The following RGS6 variants were observed in gnomAD, a reference collection of about 807,000 sequenced individuals.
RGS6 encodes regulator of G-protein signaling 6.
Under a neutral mutation model 78.5 loss-of-function variants are expected in RGS6, and 30 were observed. That is an observed-to-expected ratio of 0.38 (90% CI 0.29 to 0.52). The LOEUF (loss-of-function observed/expected upper bound fraction) is 0.52. Among genes scored for constraint, RGS6 ranks in the 20% least tolerant of loss-of-function variants. The probability of loss-of-function intolerance (pLI) is 0.85; values close to 1 mark genes in which losing one functional copy is unlikely to be tolerated. For synonymous variants in RGS6, 206 were observed against 206.0 expected, an observed-to-expected ratio of 1.00 and a Z score of 0.00; for missense variants, 495 against 609.7, an observed-to-expected ratio of 0.81 and a Z score of 1.98.
chr14:72,183,440 A>G (rs2097199925), intron 2 of RGS6, among the ~76,000 whole-genome samples: 1 of 152,218 alleles, frequency 6.6e-6, no homozygotes, highest in Non-Finnish European at 1.5e-5. Context: ...TTGTAGGTCT[A>G]TAAATTATCA....
At position 72,402,822 on chromosome 14, in the gene RGS6, A is replaced by G. The variant is rs1280020819; in HGVS notation, c.184+50628A>G. On this transcript the variant is annotated intron_variant, in intron 3 of 17. Transcript: ENST00000553525. ...TTTTTTTTTTTTTTTTTTGAGAAGG[A>G]GTCTTGCTCTGTTGCCTAGTCTAGA... 2.3e-3 allele frequency among the ~76,000 whole-genome samples: 225 copies of G among 95,864 alleles called. 2 individuals carry two copies. The highest frequency in any genetic ancestry group is 9.4e-3 in the African/African-American group (216 of 23,092). The allele number at this position is 95,864 out of a possible 152,430, so 62.9% of individuals were successfully genotyped here.
intron 2 of RGS6, among the ~76,000 whole-genome samples, chr14:72,334,963 C>A (rs1003662350): frequency 3.3e-5 from 5 of 152,102 alleles, no homozygotes; most frequent in African/African-American, 1.2e-4. Flanking sequence ...TGAATTGTAC[C>A]TCCTATAATT....
chr14:72,325,128 G>A (rs1808000716), intron 2 of RGS6, among the ~76,000 whole-genome samples: 1 of 152,168 alleles, frequency 6.6e-6, no homozygotes, highest in African/African-American at 2.4e-5. Context: ...ATTTTTTCAT[G>A]TGTGTTGGCT....
intron 2 of RGS6, among the ~76,000 whole-genome samples, chr14:71,979,784 G>C (rs2094349609): frequency 6.6e-6 from 1 of 152,048 alleles, no homozygotes; most frequent in Admixed American, 6.6e-5. Context: ...GGTCTGCTTG[G>C]TGCAGAGCTG....
chr14:72,584,528 G>T, the RGS6 span, among the ~76,000 whole-genome samples: 2 of 152,174 alleles, frequency 1.3e-5, no homozygotes, highest in African/African-American at 4.8e-5. Context: ...GACAAGGAGG[G>T]ACCAGATAAC....
the RGS6 span, among the ~76,000 whole-genome samples, chr14:71,918,136 G>C: frequency 7.5e-6 from 1 of 132,880 alleles, no homozygotes; most frequent in Non-Finnish European, 1.5e-5. Context: ...AGCCGAGATC[G>C]TGCCACTGCA....
intron 13 of RGS6, among the ~76,000 whole-genome samples, chr14:72,496,809 C>G (rs1002400640): frequency 2.0e-5 from 3 of 152,048 alleles, no homozygotes; most frequent in Non-Finnish European, 4.4e-5. Context: ...AACATTCTAT[C>G]CTTTTGTATA....
At chr14:72,330,201 A>T (rs1478919771) in intron 2 of RGS6, among the ~76,000 whole-genome samples, 1 of 152,216 alleles carries the variant, frequency 6.6e-6, no homozygotes, top group Non-Finnish European at 1.5e-5. Flanking sequence ...CCCATTTGTC[A>T]GTCTTTGTCC....
At chr14:72,383,213 T>TATACACACAC (rs1387301746) in intron 3 of RGS6, among the ~76,000 whole-genome samples, 1 of 118,338 alleles carries the variant, frequency 8.5e-6, no homozygotes, top group African/African-American at 3.1e-5. Flanking sequence ...TATATATATA[T>TATACACACAC]ACACACAAAC....
At chr14:72,287,953 A>G (rs1444779919) in intron 2 of RGS6, among the ~76,000 whole-genome samples, 4 of 152,214 alleles carry the variant, frequency 2.6e-5, no homozygotes, top group Non-Finnish European at 5.9e-5. Flanking sequence ...CCACTTGGTC[A>G]TGGTGTATGG....
At chr14:71,974,079 T>C (rs2093977230) in intron 2 of RGS6, among the ~76,000 whole-genome samples, 1 of 152,182 alleles carries the variant, frequency 6.6e-6, no homozygotes, top group Admixed American at 6.5e-5. Context: ...TCAAGGAGTC[T>C]AAGATTTTTC....
chr14:72,047,573 G>A (rs181533853), intron 2 of RGS6, among the ~76,000 whole-genome samples: 1 of 152,294 alleles, frequency 6.6e-6, no homozygotes, highest in Admixed American at 6.5e-5. Context: ...TGATGACTGC[G>A]AACACAGGCT....
intron 2 of RGS6, among the ~76,000 whole-genome samples, chr14:72,155,216 T>G (rs1371852887): frequency 2.0e-5 from 3 of 152,222 alleles, no homozygotes; most frequent in African/African-American, 7.2e-5. Flanking sequence ...TTAGCTCAGG[T>G]CTTGCAGCCA....
intron 12 of RGS6, among the ~76,000 whole-genome samples, chr14:72,494,150 A>G (rs2096613794): frequency 6.6e-6 from 1 of 152,368 alleles, no homozygotes; most frequent in African/African-American, 2.4e-5. Context: ...TGTTTAAGGT[A>G]TAAAAAAATG....
chr14:71,954,244 A>G (rs2092613597), intron 1 of RGS6, among the ~76,000 whole-genome samples: 1 of 150,144 alleles, frequency 6.7e-6, no homozygotes. Flanking sequence ...CTCCGTCATT[A>G]TTCCTTCTAA....
the RGS6 span, among the ~76,000 whole-genome samples, chr14:71,890,017 C>T: frequency 6.6e-6 from 1 of 152,264 alleles, no homozygotes; most frequent in East Asian, 1.9e-4. Flanking sequence ...CCTACTTTGC[C>T]TTCTGCCATG....
intron 4 of RGS6, among the ~76,000 whole-genome samples, chr14:72,457,634 G>A (rs578121267): frequency 2.9e-4 from 43 of 148,076 alleles, no homozygotes; most frequent in African/African-American, 1.0e-3. Context: ...CCAAAGGAAC[G>A]AAGGAACAGA....
intron 1 of RGS6, among the ~76,000 whole-genome samples, chr14:71,958,932 G>A (rs904521529): frequency 2.6e-5 from 4 of 152,132 alleles, no homozygotes; most frequent in African/African-American, 9.7e-5. Context: ...TCCGGTCCTT[G>A]GGCAAGTTTT....
chr14:72,540,225 C>G (rs763192514), intron 17 of RGS6, 131 bp downstream of exon 17: 1 of 1,523,234 alleles, frequency 6.6e-7, no homozygotes, highest in Non-Finnish European at 8.8e-7. Context: ...CTTTCTCCCT[C>G]GACTCAGCCC....
Sources: gnomAD v4.1 joint callset for allele counts (sites outside exome capture counted in the v4.1 genomes callset) on GRCh38, gnomAD v4.1.1 for gene constraint, MANE v1.5 for transcripts, NCBI Gene and HGNC (gene_info 2026-07-23, HGNC 2026-07-21) for gene names.